Variants in TGFBR1 observed in about 807,000 individuals in gnomAD.
TGFBR1 encodes TGF-beta receptor type-1.
A neutral mutation model predicts 55.1 loss-of-function variants in TGFBR1; 20 were observed. That is an observed-to-expected ratio of 0.36 (90% CI 0.26 to 0.53). The LOEUF is 0.53. Ranked by LOEUF, TGFBR1 falls within the 20% of genes least tolerant of loss-of-function variation. The pLI, the probability that TGFBR1 is intolerant of heterozygous loss-of-function variation, is 0.91. For missense variants in TGFBR1, 385 were observed against 617.6 expected (o/e 0.62, Z 3.99); for synonymous variants, 220 against 214.8 (o/e 1.02, Z -0.21).
At chr9:99,105,893 C>T (rs1826399188) in intron 1 of TGFBR1, among the ~76,000 whole-genome samples, 2 of 152,198 alleles carry the variant, frequency 1.3e-5, no homozygotes, top group Non-Finnish European at 2.9e-5. Flanking sequence ...CGCAGGCCGC[C>T]CTGACTCCCG....
At chr9:99,149,064 T>A in intron 8 of TGFBR1, 116 bp from the exon 9 acceptor site, 2 of 1,107,626 alleles carry the variant, frequency 1.8e-6, no homozygotes, top group East Asian at 2.6e-5. Context: ...CAAATAATGC[T>A]TAAACAATAA....
At chr9:99,122,344 A>G (rs1826920094) in intron 1 of TGFBR1, among the ~76,000 whole-genome samples, 2 of 152,124 alleles carry the variant, frequency 1.3e-5, no homozygotes, top group South Asian at 4.2e-4. Flanking sequence ...ACTATACACA[A>G]CTGTTTACCT....
upstream of TGFBR1, among the ~76,000 whole-genome samples, chr9:99,103,742 G>A (rs530524206): frequency 6.6e-6 from 1 of 152,290 alleles, no homozygotes; most frequent in Admixed American, 6.5e-5. Context: ...ACTTGCTTAA[G>A]TAAGTGTCCT....
Position 99,149,746 on chromosome 9 carries a change from C to T in TGFBR1, c.*441C>T, listed in dbSNP as rs202012098. 19 of 250,810 alleles carry T rather than the reference C, an allele frequency of 7.6e-5. No homozygotes were observed. The South Asian group carries it at 1.7e-3, about 22-fold the overall frequency. The allele number at this position is 250,810 out of a possible 1,614,324, so 15.5% of individuals were successfully genotyped here. A position where few individuals can be genotyped will look rare whatever the true frequency, so the allele number is the denominator to read the frequency against. ...GAGGATTCTGAACCACTAGAGTTTC[C>T]TTGATTCAGACTTTGAATGTACTGT... On this transcript the variant is annotated 3_prime_UTR_variant, in exon 9 of 9. Coordinates refer to ENST00000374994, the MANE Select transcript of TGFBR1 (RefSeq NM_004612.4).
chr9:99,106,911 C>T (rs946091075), intron 1 of TGFBR1, among the ~76,000 whole-genome samples: 1 of 152,094 alleles, frequency 6.6e-6, no homozygotes, highest in African/African-American at 2.4e-5. Flanking sequence ...TTGACATTGG[C>T]CTAGGGAGGA....
At chr9:99,124,692 A>C (rs1257690168) in intron 1 of TGFBR1, among the ~76,000 whole-genome samples, 1 of 152,154 alleles carries the variant, frequency 6.6e-6, no homozygotes, top group Non-Finnish European at 1.5e-5. Context: ...GTAGTCAATC[A>C]AGACTGACTT....
rs772658234 is a variant in TGFBR1 at position 99,123,552 on chromosome 9, C to T, written c.98-5303C>T. On this transcript the variant is annotated intron_variant, in intron 1 of 8. Coordinates refer to ENST00000374994, the MANE Select transcript of TGFBR1 (RefSeq NM_004612.4). ...AGCAAATAGTTGCGTAGGTTTCACT[C>T]GTGGGCTGGTGATAATATAGTGAGG... Among the ~76,000 whole-genome samples, 5 of 152,110 alleles carry T rather than the reference C, an allele frequency of 3.3e-5. No individual in the cohort carries two copies. The South Asian group carries it at 1.0e-3, about 31-fold the overall frequency.
chr9:99,134,805 T>TC (rs1827372558), intron 3 of TGFBR1, among the ~76,000 whole-genome samples: 5 of 31,786 alleles, frequency 1.6e-4, no homozygotes, highest in African/African-American at 5.3e-4. Context: ...GTTTCCATTA[T>TC]ATATATATAT....
At chr9:99,132,996 C>T (rs1474510645) in intron 3 of TGFBR1, among the ~76,000 whole-genome samples, 1 of 152,190 alleles carries the variant, frequency 6.6e-6, no homozygotes, top group East Asian at 1.9e-4. Context: ...AAAGCGTTCT[C>T]ACTTGTATAA....
chr9:99,109,119 T>TA (rs1301920786), intron 1 of TGFBR1, among the ~76,000 whole-genome samples: 1 of 152,170 alleles, frequency 6.6e-6, no homozygotes, highest in East Asian at 1.9e-4. Flanking sequence ...ATGAGTGACT[T>TA]CCTTAAGTGA....
chr9:99,137,311 G>A (rs947986291), intron 3 of TGFBR1, among the ~76,000 whole-genome samples: 2 of 152,164 alleles, frequency 1.3e-5, no homozygotes, highest in Non-Finnish European at 1.5e-5. Flanking sequence ...ACTGTTACGA[G>A]ATTCATCTTT....
chr9:99,118,849 G>A (rs1442183586), intron 1 of TGFBR1, among the ~76,000 whole-genome samples: 2 of 151,756 alleles, frequency 1.3e-5, no homozygotes, highest in Non-Finnish European at 2.9e-5. Flanking sequence ...CAATGTTTTT[G>A]TATATCCTCT....
chr9:99,122,530 C>A (rs1479660770), intron 1 of TGFBR1, among the ~76,000 whole-genome samples: 1 of 151,988 alleles, frequency 6.6e-6, no homozygotes, highest in African/African-American at 2.4e-5. Flanking sequence ...TATGTTACCC[C>A]GAGAGTTGTT....
intron 1 of TGFBR1, among the ~76,000 whole-genome samples, chr9:99,119,191 G>A (rs1826833113): frequency 6.6e-6 from 1 of 152,118 alleles, no homozygotes; most frequent in African/African-American, 2.4e-5. Flanking sequence ...CAGATCTTTC[G>A]CTGTTTGCTG....
At chr9:99,123,286 G>C (rs1184466182) in intron 1 of TGFBR1, among the ~76,000 whole-genome samples, 1 of 152,078 alleles carries the variant, frequency 6.6e-6, no homozygotes, top group Non-Finnish European at 1.5e-5. Context: ...ATTGTATTCA[G>C]ATTTTAGAAA....
intron 1 of TGFBR1, among the ~76,000 whole-genome samples, chr9:99,123,511 A>C (rs1160713204): frequency 1.3e-5 from 2 of 152,120 alleles, no homozygotes; most frequent in Admixed American, 1.3e-4. Flanking sequence ...GTTACTTAGC[A>C]TGGGGATAGT....
chr9:99,113,102 A>C (rs1826633738), intron 1 of TGFBR1, among the ~76,000 whole-genome samples: 1 of 152,012 alleles, frequency 6.6e-6, no homozygotes. Flanking sequence ...TTTTTCCCCC[A>C]CCTCTCTTAG....
chr9:99,115,085 C>G (rs1163927336), intron 1 of TGFBR1, among the ~76,000 whole-genome samples: 2 of 152,136 alleles, frequency 1.3e-5, no homozygotes, highest in Non-Finnish European at 2.9e-5. Context: ...ACAAGCTTCT[C>G]TCTGTTCTTG....
At chr9:99,113,657 A>G (rs1394669113) in intron 1 of TGFBR1, among the ~76,000 whole-genome samples, 1 of 152,200 alleles carries the variant, frequency 6.6e-6, no homozygotes, top group East Asian at 1.9e-4. Context: ...TACACTTAGT[A>G]CATAGCCTGA....
Sources: gnomAD v4.1 joint callset for allele counts (sites outside exome capture counted in the v4.1 genomes callset) on GRCh38, gnomAD v4.1.1 for gene constraint, MANE v1.5 for transcripts, NCBI Gene and HGNC (gene_info 2026-07-23, HGNC 2026-07-21) for gene names.